The following UBLCP1 variants were observed in gnomAD, a reference collection of about 807,000 sequenced individuals.
The protein encoded by UBLCP1 is ubiquitin like domain containing CTD phosphatase 1, also known as ubiquitin-like domain-containing CTD phosphatase 1.
UBLCP1 carries 28 observed loss-of-function variants against 42.4 expected under a neutral mutation model. The ratio of observed to expected loss-of-function variants is 0.66; its 90% CI spans 0.49 to 0.90. The LOEUF (loss-of-function observed/expected upper bound fraction) is 0.90. UBLCP1 is among the 40% of genes least tolerant of loss of function. UBLCP1 has a pLI of 0.00. For missense variants in UBLCP1, 279 were observed against 374.5 expected (o/e 0.75, Z 2.10); for synonymous variants, 122 against 120.8 (o/e 1.01, Z -0.07).
chr5:159,283,318 T>C lies in UBLCP1; in HGVS notation c.908T>C (p.Leu303Pro). The C allele has an allele frequency of 6.3e-7, 1 of 1,593,148 alleles. No homozygotes were observed. Among genetic ancestry groups the C allele is most frequent in the Non-Finnish European group, 8.5e-7 (1 of 1,172,584 alleles). ...EIAKLDDFLD[L>P]NHKYWERYLS... ...GCAAAATTAGATGACTTTTTGGATC[T>C]AAATCACAAATATTGGGAAAGGTAA... The change falls in exon 10 of 11, where the codon CTA becomes CCA. Residue 303 changes from leucine to proline, a missense_variant. Transcript: ENST00000296786.
intron 6 of UBLCP1, among the ~76,000 whole-genome samples, chr5:159,273,132 C>A (rs947519131): frequency 6.6e-6 from 1 of 152,092 alleles, no homozygotes; most frequent in Non-Finnish European, 1.5e-5. Context: ...TATGTGAGTT[C>A]CATGTGAGTT....
At chr5:159,283,980 A>T (rs1753638194) in intron 10 of UBLCP1, among the ~76,000 whole-genome samples, 1 of 152,124 alleles carries the variant, frequency 6.6e-6, no homozygotes, top group African/African-American at 2.4e-5. Flanking sequence ...ACTATGTATT[A>T]CAGTATTTGG....
At chr5:159,279,711 G>GCTTCT (rs1753584420) in intron 9 of UBLCP1, among the ~76,000 whole-genome samples, 1 of 152,160 alleles carries the variant, frequency 6.6e-6, no homozygotes, top group Admixed American at 6.5e-5. Context: ...TGTCCTTAAT[G>GCTTCT]GTTTCTGTTT....
rs78412473 is a variant in UBLCP1 at position 159,268,023 on chromosome 5, A to G, written c.-46-847A>G. Reference sequence around the variant, plus strand: ...GATACAATTGTGGAGGAGAAGAAACATAAGATTTAGTCAGAAGACCTGTTC... The same window carrying G: ...GATACAATTGTGGAGGAGAAGAAACGTAAGATTTAGTCAGAAGACCTGTTC... On this transcript the variant is annotated intron_variant, in intron 1 of 10. Coordinates refer to ENST00000296786, the MANE Select transcript of UBLCP1 (RefSeq NM_145049.5). 2.3e-3 allele frequency among the ~76,000 whole-genome samples: 343 copies of G among 151,584 alleles called. 3 individuals are homozygous for G. The highest frequency in any genetic ancestry group is 7.9e-3 in the East Asian group (41 of 5,184).
At chr5:159,268,621 C>T (rs893793330) in intron 1 of UBLCP1, among the ~76,000 whole-genome samples, 3 of 152,194 alleles carry the variant, frequency 2.0e-5, no homozygotes, top group Admixed American at 6.5e-5. Flanking sequence ...CATAATTGCA[C>T]ATTTCCAGTT....
intron 8 of UBLCP1, chr5:159,275,451 C>G (rs192488500): frequency 2.9e-6 from 1 of 340,756 alleles, no homozygotes; most frequent in Non-Finnish European, 5.2e-6. Context: ...CTCATTGTGC[C>G]GCCCAGGCTG....
intron 6 of UBLCP1, 101 bp downstream of exon 6, chr5:159,272,222 G>A (rs574507651): frequency 4.7e-5 from 44 of 935,822 alleles, no homozygotes; most frequent in Middle Eastern, 5.7e-4. Flanking sequence ...GTTTAAATAT[G>A]AAATAGTTTT....
At chr5:159,283,801 A>C (rs906210062) in intron 10 of UBLCP1, among the ~76,000 whole-genome samples, 51 of 152,160 alleles carry the variant, frequency 3.4e-4, no homozygotes, top group Non-Finnish European at 8.8e-5. Flanking sequence ...TACTAAAAAA[A>C]CAATTACTCA....
Position 159,270,379 on chromosome 5 carries a change from C to A in UBLCP1, c.266C>A (p.Pro89His), listed in dbSNP as rs1753448779. 1 of 1,613,200 alleles carries A rather than the reference C, an allele frequency of 6.2e-7. No homozygotes were observed. The highest frequency in any genetic ancestry group is 2.2e-5 in the East Asian group (1 of 44,756). Reference protein sequence around the residue: ...EESLEDVLGPPPDNDDVVNDF... With the variant: ...EESLEDVLGPHPDNDDVVNDF... ...TAATAGGAAGATGTCTTAGGTCCAC[C>A]CCCTGACAATGATGATGTTGTTAAT... Residue 89 changes from proline to histidine, a missense_variant, in exon 4 of 11, where the codon CCC becomes CAC. Pro to His is a moderately conservative substitution (Grantham distance 77). Transcript: ENST00000296786.
At chr5:159,278,935 C>G (rs1027708900) in intron 9 of UBLCP1, among the ~76,000 whole-genome samples, 1 of 152,214 alleles carries the variant, frequency 6.6e-6, no homozygotes, top group African/African-American at 2.4e-5. Flanking sequence ...TGACTTTTAG[C>G]ATCCAAAGTG....
rs777441269 is a variant in UBLCP1, at chr5:159,274,651, A to G, written c.585+29A>G. The G allele has an allele frequency of 8.2e-6, 13 of 1,588,148 alleles. No homozygotes were observed. In the South Asian group the frequency reaches 1.5e-4, roughly 18 times the overall value. ...AGTGTTAGAAAGCAATCCATTTAAA[A>G]ATATTTTCAAACTGCATTTGTCTTG... On this transcript the variant is annotated intron_variant, in intron 7 of 10. Coordinates refer to ENST00000296786, the MANE Select transcript of UBLCP1 (RefSeq NM_145049.5).
At chr5:159,280,819 A>G (rs1753598701) in intron 9 of UBLCP1, among the ~76,000 whole-genome samples, 1 of 152,250 alleles carries the variant, frequency 6.6e-6, no homozygotes, top group South Asian at 2.1e-4. Flanking sequence ...AATTACACTA[A>G]AAGAATGTGA....
chr5:159,280,014 GAT>G (rs2113321503), intron 9 of UBLCP1, among the ~76,000 whole-genome samples: 1 of 152,246 alleles, frequency 6.6e-6, no homozygotes, highest in East Asian at 1.9e-4. Context: ...TGCAGGGAGA[GAT>G]GTTATTGTAA....
chr5:159,268,841 A>G (rs1444031748), intron 1 of UBLCP1, 29 bp from the exon 2 acceptor site: 4 of 1,513,170 alleles, frequency 2.6e-6, no homozygotes, highest in African/African-American at 2.8e-5. Context: ...TATCTATTTT[A>G]ACTTGTTCAT....
rs748349810 is a variant in UBLCP1, at chr5:159,270,392, T to A, written c.279T>A (p.Asp93Glu). 1 of 1,613,480 alleles carries A rather than the reference T, an allele frequency of 6.2e-7. No homozygotes were observed. The highest frequency in any genetic ancestry group is 8.5e-7 in the Non-Finnish European group (1 of 1,179,668). The change falls in exon 4 of 11, where the codon GAT becomes GAA. Residue 93 changes from aspartate to glutamate, a missense_variant. By Grantham distance (45) the Asp-to-Glu change is conservative. Coordinates refer to ENST00000296786, the MANE Select transcript of UBLCP1 (RefSeq NM_145049.5). ...TCTTAGGTCCACCCCCTGACAATGATGATGTTGTTAATGACTTTGATATTG... is the reference window on the plus strand; with the variant it reads ...TCTTAGGTCCACCCCCTGACAATGAAGATGTTGTTAATGACTTTGATATTG... ...EDVLGPPPDN[D>E]DVVNDFDIED...
intron 8 of UBLCP1, among the ~76,000 whole-genome samples, chr5:159,277,185 G>T (rs1261532387): frequency 6.6e-6 from 1 of 151,268 alleles, no homozygotes; most frequent in Middle Eastern, 3.4e-3. Context: ...GGAGTAGGGG[G>T]CGGTTTCTAT....
At chr5:159,281,446 T>C (rs1753604671) in intron 9 of UBLCP1, among the ~76,000 whole-genome samples, 1 of 152,182 alleles carries the variant, frequency 6.6e-6, no homozygotes, top group South Asian at 2.1e-4. Flanking sequence ...CTGTAAAGCG[T>C]CGTCTTCAGC....
intron 6 of UBLCP1, among the ~76,000 whole-genome samples, chr5:159,273,848 AC>A (rs1326657695): frequency 6.6e-6 from 1 of 151,864 alleles, no homozygotes; most frequent in Non-Finnish European, 1.5e-5. Flanking sequence ...ACACACACAC[AC>A]ACACACACAC....
At chr5:159,284,791 T>A (rs1753650252) in intron 10 of UBLCP1, 113 bp from the exon 11 acceptor site, 1 of 1,042,950 alleles carries the variant, frequency 9.6e-7, no homozygotes, top group Non-Finnish European at 1.5e-6. Flanking sequence ...CTATTAAGAA[T>A]ACTCATCTTG....
Sources: allele counts gnomAD v4.1 joint callset (sites outside exome capture counted in the v4.1 genomes callset), GRCh38; gene constraint gnomAD v4.1.1; transcripts MANE v1.5; gene names NCBI Gene and HGNC (gene_info 2026-07-23, HGNC 2026-07-21).